MDFIC: variants seen among roughly 807,000 people sequenced by gnomAD.
The protein encoded by MDFIC is MyoD family inhibitor domain containing, also known as myoD family inhibitor domain-containing protein.
In MDFIC, 17 loss-of-function variants were observed where a neutral mutation model predicts 23.2. The observed-to-expected ratio is 0.73, with a 90% CI of 0.50 to 1.10. The LOEUF (loss-of-function observed/expected upper bound fraction) is 1.10, where lower values mean the gene tolerates loss of function less well. MDFIC is among the 50% of genes least tolerant of loss of function. The pLI, the probability that MDFIC is intolerant of heterozygous loss-of-function variation, is 0.00. For missense variants in MDFIC, 356 were observed against 316.6 expected, an observed-to-expected ratio of 1.12 and a Z score of -0.95; for synonymous variants, 120 against 115.2, an observed-to-expected ratio of 1.04 and a Z score of -0.27.
At chr7:114,985,801 C>G (rs377610441) in intron 4 of MDFIC, among the ~76,000 whole-genome samples, 1 of 151,562 alleles carries the variant, frequency 6.6e-6, no homozygotes, top group South Asian at 2.1e-4. Flanking sequence ...GTCTACGGAG[C>G]CTGGGATGGC....
intron 3 of MDFIC, among the ~76,000 whole-genome samples, chr7:114,973,284 T>C (rs761733984): frequency 2.7e-4 from 41 of 152,230 alleles, no homozygotes; most frequent in Non-Finnish European, 5.1e-4. Context: ...TCCAGGTCAG[T>C]GAGAGGCTCC....
At position 114,922,151 on chromosome 7, in the gene MDFIC, C is replaced by T. The variant is rs1792091329; in HGVS notation, c.-593C>T. ...CAGCGCCCGGGTGGGGAGCCCGAGC[C>T]AGCCCAGGCCGGCTCTGGCCTCCTG... is the stretch of plus-strand genomic sequence containing the variant. On this transcript the variant is annotated 5_prime_UTR_variant, in exon 1 of 5. Transcript: ENST00000393486. 8.5e-6 allele frequency: 3 copies of T among 351,528 alleles called. No individual in the cohort carries two copies. Among genetic ancestry groups the T allele is most frequent in the Non-Finnish European group, 1.0e-5 (2 of 196,862 alleles). The allele number at this position is 351,528 out of a possible 1,614,324, so 21.8% of individuals were successfully genotyped here. A position where few individuals can be genotyped will look rare whatever the true frequency, so the allele number is the denominator to read the frequency against.
intron 3 of MDFIC, among the ~76,000 whole-genome samples, chr7:114,963,958 T>A (rs569579201): frequency 6.6e-6 from 1 of 152,346 alleles, no homozygotes; most frequent in South Asian, 2.1e-4. Flanking sequence ...ACTTTCTAGA[T>A]AAATGTCCGG....
At chr7:114,990,474 A>G (rs1034053812) in intron 4 of MDFIC, among the ~76,000 whole-genome samples, 4 of 152,068 alleles carry the variant, frequency 2.6e-5, no homozygotes, top group African/African-American at 9.7e-5. Context: ...TACATTAGGT[A>G]TATCTCCTAA....
At position 115,017,810 on chromosome 7, in the gene MDFIC, T is replaced by A. The variant is rs1791822192; in HGVS notation, c.*1875T>A. ...ATGCTTTGGGATTAATAATTATTTT[T>A]AATTTTTCTGGCTGAATATCAAATT... On this transcript the variant is annotated 3_prime_UTR_variant, in exon 5 of 5. Transcript: ENST00000393486. 6.6e-6 allele frequency: 1 copy of A among 152,098 alleles called. No individual in the cohort carries two copies. Among genetic ancestry groups the A allele is most frequent in the Admixed American group, 6.5e-5 (1 of 15,272 alleles). The allele number at this position is 152,098 out of a possible 1,614,324, so 9.4% of individuals were successfully genotyped here.
At position 114,979,543 on chromosome 7, in the gene MDFIC, C is replaced by A. The variant is rs2594449; in HGVS notation, c.255C>A (p.Ala85=). Residue 85 remains alanine (A), a synonymous_variant, in exon 4 of 5, where the codon GCC becomes GCA. Coordinates refer to ENST00000393486, the MANE Select transcript of MDFIC (RefSeq NM_001166345.3). ...GCTTGCCTCAGCTTCAGACTTCAGC[C>A]CAGGTGCCAAGTGGTGAGGAAATAG... ...PQRLPQLQTS[A]QVPSGEEIGK... 1 allele frequency: 1,609,969 copies of A among 1,614,014 alleles called. 803,042 individuals carry two copies. Among genetic ancestry groups the A allele is most frequent in the East Asian group, 1 (44,870 of 44,870 alleles).
At chr7:115,013,112 G>A (rs1791713163) in intron 4 of MDFIC, among the ~76,000 whole-genome samples, 2 of 152,208 alleles carry the variant, frequency 1.3e-5, no homozygotes, top group Admixed American at 6.5e-5. Context: ...AATACAGGAT[G>A]TTGAGCCGAA....
At position 114,979,767 on chromosome 7, in the gene MDFIC, G is replaced by A; in HGVS notation, c.479G>A (p.Gly160Asp). 1 of 1,613,336 alleles carries A rather than the reference G, an allele frequency of 6.2e-7. No individual in the cohort carries two copies. The highest frequency in any genetic ancestry group is 8.5e-7 in the Non-Finnish European group (1 of 1,179,510). Residue 160 changes from glycine to aspartate, a missense_variant, in exon 4 of 5, where the codon GGC becomes GAC. Coordinates refer to ENST00000393486, the MANE Select transcript of MDFIC (RefSeq NM_001166345.3). ...AATGCTGTCTTTTCCCAAAAGACAG[G>A]CTCTTCACCTGAAGGTAAGTTTGAG... ...KVNAVFSQKTGSSPEDCCVHC... is the reference protein window; with the variant it reads ...KVNAVFSQKTDSSPEDCCVHC...
Position 114,922,249 on chromosome 7 carries a change from T to C in MDFIC, c.-495T>C. On this transcript the variant is annotated 5_prime_UTR_variant, in exon 1 of 5. Transcript: ENST00000393486. ...GCGCCGCTCCCAGCATCGGGGCCGCTAGCCAAGAGTTCGAGGCCTTCCCGA... is the reference window on the plus strand; with the variant it reads ...GCGCCGCTCCCAGCATCGGGGCCGCCAGCCAAGAGTTCGAGGCCTTCCCGA... 1 of 612,846 alleles carries C rather than the reference T, an allele frequency of 1.6e-6. No individual in the cohort carries two copies. Among genetic ancestry groups the C allele is most frequent in the Non-Finnish European group, 2.4e-6 (1 of 423,536 alleles). 38.0% of individuals were successfully genotyped at this position (612,846 alleles called of 1,614,324 possible). A position where few individuals can be genotyped will look rare whatever the true frequency, so the allele number is the denominator to read the frequency against.
chr7:114,963,757 T>G (rs978608872), intron 3 of MDFIC, among the ~76,000 whole-genome samples: 1 of 152,102 alleles, frequency 6.6e-6, no homozygotes, highest in African/African-American at 2.4e-5. Context: ...ATTTTATTGT[T>G]TTTGTAGAGA....
chr7:114,929,075 A>G (rs373502137), intron 2 of MDFIC, among the ~76,000 whole-genome samples: 9 of 7,248 alleles, frequency 1.2e-3, no homozygotes, highest in African/African-American at 2.5e-3. Context: ...AGATCTATAG[A>G]TAAATATAGA....
chr7:114,944,411 A>AT (rs1792605817), intron 3 of MDFIC, among the ~76,000 whole-genome samples: 1 of 152,170 alleles, frequency 6.6e-6, no homozygotes, highest in African/African-American at 2.4e-5. Context: ...CAAAAACTCC[A>AT]TTTTTGTTAT....
intron 3 of MDFIC, among the ~76,000 whole-genome samples, chr7:114,947,209 C>T (rs949957498): frequency 1.3e-5 from 2 of 152,128 alleles, no homozygotes; most frequent in Admixed American, 6.5e-5. Context: ...CTTGGGTCAT[C>T]TAGGAGTTTT....
At chr7:114,995,562 C>T (rs1355240123) in intron 4 of MDFIC, among the ~76,000 whole-genome samples, 1 of 152,180 alleles carries the variant, frequency 6.6e-6, no homozygotes, top group Non-Finnish European at 1.5e-5. Context: ...TTCCTTCTAA[C>T]AGTCAGGACC....
chr7:114,923,277 C>G (rs1409406435), intron 2 of MDFIC, 150 bp downstream of exon 2: 3 of 1,258,948 alleles, frequency 2.4e-6, no homozygotes, highest in East Asian at 2.5e-5. Flanking sequence ...GTTACTCAGG[C>G]AAGTTCTTCA....
At chr7:114,931,083 CTCTT>C (rs141671857) in intron 2 of MDFIC, among the ~76,000 whole-genome samples, 2,518 of 152,300 alleles carry the variant, frequency 0.017, 63 homozygotes, top group African/African-American at 0.057. Context: ...CTCTCTCTCT[CTCTT>C]TGTCTTTCCA....
At chr7:115,003,300 G>A (rs1791499930) in intron 4 of MDFIC, among the ~76,000 whole-genome samples, 1 of 152,072 alleles carries the variant, frequency 6.6e-6, no homozygotes, top group African/African-American at 2.4e-5. Flanking sequence ...TCACCCCCCA[G>A]CCCCAGACTA....
At chr7:115,004,695 A>G (rs903456151) in intron 4 of MDFIC, among the ~76,000 whole-genome samples, 6 of 152,182 alleles carry the variant, frequency 3.9e-5, no homozygotes, top group African/African-American at 7.2e-5. Context: ...CCAGGCTCCT[A>G]TGCTGGTTAG....
chr7:114,929,728 C>G (rs918384671), intron 2 of MDFIC, among the ~76,000 whole-genome samples: 6 of 152,136 alleles, frequency 3.9e-5, no homozygotes, highest in African/African-American at 1.4e-4. Flanking sequence ...GAAGACTTCT[C>G]TTGCTTGGAT....
Sources: gnomAD v4.1 joint callset for allele counts (sites outside exome capture counted in the v4.1 genomes callset) on GRCh38, gnomAD v4.1.1 for gene constraint, MANE v1.5 for transcripts, NCBI Gene and HGNC (gene_info 2026-07-23, HGNC 2026-07-21) for gene names.